Variants in UBE2QL1 observed in about 807,000 individuals in gnomAD.
UBE2QL1 encodes ubiquitin-conjugating enzyme E2Q-like protein 1.
UBE2QL1 carries 5 observed loss-of-function variants against 12.6 expected under a neutral mutation model. The observed-to-expected ratio is 0.40, with a 90% CI of 0.21 to 0.83. UBE2QL1 has a LOEUF of 0.83. Ranked by LOEUF, UBE2QL1 falls within the 40% of genes least tolerant of loss-of-function variation. The pLI, the probability that UBE2QL1 is intolerant of heterozygous loss-of-function variation, is 0.37. For missense variants in UBE2QL1, 99 were observed against 222.6 expected (o/e 0.44, Z 3.53); for synonymous variants, 96 against 94.5 (o/e 1.02, Z -0.10).
intron 1 of UBE2QL1, among the ~76,000 whole-genome samples, chr5:6,462,218 G>A (rs1402065346): frequency 1.5e-4 from 23 of 152,134 alleles, no homozygotes; most frequent in Admixed American, 1.5e-3. Context: ...GGGAGGAGGC[G>A]TATGAAAAAA....
rs1026565580 is a variant in UBE2QL1 at position 6,496,019 on chromosome 5, A to C, written c.*4670A>C. ...AACACGGGAGCAAAGTGTGCTGGCC[A>C]AACAGCAACAATCAAAGCAGAGGGG... On this transcript the variant is annotated 3_prime_UTR_variant, in exon 2 of 2. Coordinates refer to ENST00000399816, the MANE Select transcript of UBE2QL1 (RefSeq NM_001145161.3). 6.6e-6 allele frequency among the ~76,000 whole-genome samples: 1 copy of C among 152,222 alleles called. No homozygotes were observed. Among genetic ancestry groups the C allele is most frequent in the Non-Finnish European group, 1.5e-5 (1 of 68,040 alleles).
At chr5:6,477,274 C>T (rs561066909) in intron 1 of UBE2QL1, among the ~76,000 whole-genome samples, 5 of 152,362 alleles carry the variant, frequency 3.3e-5, no homozygotes, top group African/African-American at 4.8e-5. Flanking sequence ...CAGACCAAGT[C>T]GCCATTTTAG....
At chr5:6,466,709 A>G (rs1739803744) in intron 1 of UBE2QL1, among the ~76,000 whole-genome samples, 1 of 152,262 alleles carries the variant, frequency 6.6e-6, no homozygotes, top group Admixed American at 6.5e-5. Context: ...AGGGCCGTCA[A>G]AAGGCTTTCT....
chr5:6,462,381 T>G (rs771293370), intron 1 of UBE2QL1, among the ~76,000 whole-genome samples: 1 of 152,154 alleles, frequency 6.6e-6, no homozygotes, highest in Non-Finnish European at 1.5e-5. Context: ...GGACGGGGCA[T>G]GCAAGCTTTC....
intron 1 of UBE2QL1, among the ~76,000 whole-genome samples, chr5:6,469,842 C>A (rs1303249246): frequency 6.6e-6 from 1 of 152,024 alleles, no homozygotes; most frequent in Non-Finnish European, 1.5e-5. Context: ...CTTTGATCTG[C>A]CCTCATGACG....
intron 1 of UBE2QL1, among the ~76,000 whole-genome samples, chr5:6,454,484 G>A (rs10071909): frequency 0.23 from 34,966 of 152,062 alleles, 4,415 homozygotes; most frequent in Middle Eastern, 0.29. Flanking sequence ...ACCCTCTGAG[G>A]TGCTGTGGGT....
intron 1 of UBE2QL1, among the ~76,000 whole-genome samples, chr5:6,485,973 G>A (rs896306336): frequency 1.3e-4 from 20 of 152,162 alleles, no homozygotes; most frequent in South Asian, 4.1e-4. Flanking sequence ...TGAAAAGACA[G>A]AAATATGGTG....
chr5:6,475,136 G>A (rs570896334), intron 1 of UBE2QL1, among the ~76,000 whole-genome samples: 16 of 152,312 alleles, frequency 1.1e-4, no homozygotes, highest in African/African-American at 3.8e-4. Flanking sequence ...TCAAAAAGCC[G>A]AGATTGTATT....
At chr5:6,474,814 G>A (rs1448306294) in intron 1 of UBE2QL1, among the ~76,000 whole-genome samples, 1 of 152,194 alleles carries the variant, frequency 6.6e-6, no homozygotes, top group African/African-American at 2.4e-5. Flanking sequence ...CCTCACACGT[G>A]GTGAGAAGGG....
chr5:6,473,852 T>G (rs1166710779), intron 1 of UBE2QL1, among the ~76,000 whole-genome samples: 1 of 152,230 alleles, frequency 6.6e-6, no homozygotes, highest in Non-Finnish European at 1.5e-5. Flanking sequence ...AAAATTAATC[T>G]GTAAAATTGT....
Position 6,470,070 on chromosome 5 carries a change from C to T in UBE2QL1, c.354+20823C>T, listed in dbSNP as rs538071115. ...CCAGTGGCGGCTCTGTTGTGTGGAC[C>T]AACACTGAACGCAGAGCTCCTCTAA... On this transcript the variant is annotated intron_variant, in intron 1 of 1. Transcript: ENST00000399816. 3.9e-5 allele frequency among the ~76,000 whole-genome samples: 6 copies of T among 152,190 alleles called. No individual in the cohort carries two copies. In the East Asian group the frequency reaches 1.2e-3, roughly 30 times the overall value.
chr5:6,459,287 C>A (rs1000013573), intron 1 of UBE2QL1, among the ~76,000 whole-genome samples: 2 of 152,192 alleles, frequency 1.3e-5, no homozygotes, highest in African/African-American at 4.8e-5. Flanking sequence ...ACAAATAAAA[C>A]TGATCTAATA....
intron 1 of UBE2QL1, among the ~76,000 whole-genome samples, chr5:6,483,300 G>A (rs372868942): frequency 7.9e-5 from 12 of 152,294 alleles, no homozygotes; most frequent in South Asian, 2.1e-4. Flanking sequence ...TTAACAGGGC[G>A]TGGTGGTGCA....
At chr5:6,451,050 T>C (rs1739403280) in intron 1 of UBE2QL1, among the ~76,000 whole-genome samples, 1 of 152,236 alleles carries the variant, frequency 6.6e-6, no homozygotes, top group African/African-American at 2.4e-5. Context: ...ATCAGAATTC[T>C]TTGGAACAGT....
chr5:6,455,283 G>C (rs146321119), intron 1 of UBE2QL1, among the ~76,000 whole-genome samples: 2 of 152,260 alleles, frequency 1.3e-5, no homozygotes, highest in African/African-American at 4.8e-5. Flanking sequence ...CTCATCGTCA[G>C]GAAGAGACTC....
chr5:6,454,789 G>T (rs1365963147), intron 1 of UBE2QL1, among the ~76,000 whole-genome samples: 4 of 152,156 alleles, frequency 2.6e-5, no homozygotes, highest in Non-Finnish European at 5.9e-5. Context: ...TGGATTTTTG[G>T]TAGCGTGCTT....
At chr5:6,450,107 G>T (rs1212760581) in intron 1 of UBE2QL1, among the ~76,000 whole-genome samples, 9 of 89,590 alleles carry the variant, frequency 1.0e-4, no homozygotes, top group Non-Finnish European at 1.9e-4. Flanking sequence ...CCACGGCAAT[G>T]CCTGTTTTCC....
chr5:6,476,394 G>T lies in UBE2QL1; in HGVS notation c.355-14824G>T, dbSNP rs1014151304. On this transcript the variant is annotated intron_variant, in intron 1 of 1. Coordinates refer to ENST00000399816, the MANE Select transcript of UBE2QL1 (RefSeq NM_001145161.3). This position sits in a 1 kb window ranked among gnomAD's most constrained non-coding sequence, Gnocchi z 4.9. ...GCACTTAAAGGTCTAATTTTCCCAC[G>T]GGTGAAAACATCCCATTTTAAGAAT... 1.3e-5 allele frequency among the ~76,000 whole-genome samples: 2 copies of T among 152,166 alleles called. No individual in the cohort carries two copies. The highest frequency in any genetic ancestry group is 2.4e-5 in the African/African-American group (1 of 41,442).
At chr5:6,487,367 C>A (rs1355669910) in intron 1 of UBE2QL1, among the ~76,000 whole-genome samples, 1 of 152,172 alleles carries the variant, frequency 6.6e-6, no homozygotes, top group African/African-American at 2.4e-5. Flanking sequence ...TAACACTGTT[C>A]GACTTCTGTA....
Sources: gnomAD v4.1 joint callset for allele counts (sites outside exome capture counted in the v4.1 genomes callset) on GRCh38, gnomAD v4.1.1 for gene constraint, Gnocchi (gnomAD v3.1) non-coding constraint, MANE v1.5 for transcripts, NCBI Gene and HGNC (gene_info 2026-07-23, HGNC 2026-07-21) for gene names.